Variants in PRKN observed in about 807,000 individuals in gnomAD.
PRKN encodes the protein parkin RBR E3 ubiquitin protein ligase.
PRKN carries 56 observed loss-of-function variants against 59.5 expected under a neutral mutation model. The observed-to-expected ratio is 0.94, with a 90% CI of 0.76 to 1.18. The LOEUF (loss-of-function observed/expected upper bound fraction) is 1.18, where lower values mean the gene tolerates loss of function less well. PRKN is among the 50% of genes most tolerant of loss of function. The probability of loss-of-function intolerance (pLI) is 0.00; values close to 1 mark genes in which losing one functional copy is unlikely to be tolerated. For missense variants in PRKN, 657 were observed against 596.4 expected (o/e 1.10, Z -1.06); for synonymous variants, 250 against 222.1 (o/e 1.13, Z -1.12).
intron 3 of PRKN, among the ~76,000 whole-genome samples, chr6:162,255,992 T>A (rs1779624780): frequency 6.6e-6 from 1 of 152,136 alleles, no homozygotes; most frequent in South Asian, 2.1e-4. Context: ...CAGAAAAGAT[T>A]GAGCATTAAT....
At chr6:162,027,467 T>C (rs889423842) in intron 5 of PRKN, among the ~76,000 whole-genome samples, 4 of 152,186 alleles carry the variant, frequency 2.6e-5, no homozygotes, top group African/African-American at 9.7e-5. Context: ...AACCTCTGTA[T>C]ATTCTTGTGT....
intron 2 of PRKN, among the ~76,000 whole-genome samples, chr6:162,420,299 A>G (rs1788893908): frequency 6.6e-6 from 1 of 152,100 alleles, no homozygotes; most frequent in African/African-American, 2.4e-5. Flanking sequence ...CATTATGTTT[A>G]AAATACCATA....
In PRKN at chr6:161,673,812, G is replaced by A. The variant is rs1483090315; in HGVS notation, c.872-104396C>T. 1.4e-4 allele frequency among the ~76,000 whole-genome samples: 22 copies of A among 152,322 alleles called. 1 individual carries two copies. The South Asian group carries it at 3.7e-3, about 26-fold the overall frequency. On this transcript the variant is annotated intron_variant, in intron 7 of 11. Transcript: ENST00000366898. ...CTGATGGGTAGGTAGCATGTGTGGT[G>A]TGAGAGCAAGAGAGGAGTCAAGATA...
chr6:161,696,457 T>A (rs187422872), intron 7 of PRKN, among the ~76,000 whole-genome samples: 13 of 152,280 alleles, frequency 8.5e-5, no homozygotes, highest in Non-Finnish European at 1.8e-4. Context: ...TGCCCTCAGG[T>A]TTTCAACATG....
At chr6:162,044,975 A>T (rs1784198633) in intron 5 of PRKN, among the ~76,000 whole-genome samples, 1 of 152,176 alleles carries the variant, frequency 6.6e-6, no homozygotes, top group Admixed American at 6.5e-5. Context: ...TCATGGCATA[A>T]AAATCATCGT....
chr6:162,690,157 A>G (rs753439240), intron 1 of PRKN, among the ~76,000 whole-genome samples: 39 of 110,100 alleles, frequency 3.5e-4, no homozygotes, highest in Non-Finnish European at 6.2e-4. Context: ...TGATTTCTGA[A>G]TATCAGTAAC....
At chr6:161,585,257 G>A (rs1562542002) in intron 7 of PRKN, among the ~76,000 whole-genome samples, 1 of 152,084 alleles carries the variant, frequency 6.6e-6, no homozygotes, top group Non-Finnish European at 1.5e-5. Flanking sequence ...GTACAAGAAG[G>A]TTTTGTTGAT....
chr6:162,370,818 A>G (rs897369116), intron 2 of PRKN, among the ~76,000 whole-genome samples: 13 of 152,202 alleles, frequency 8.5e-5, no homozygotes, highest in African/African-American at 3.1e-4. Context: ...GTAGTTCACT[A>G]AGAGTCCTAT....
At chr6:161,872,571 G>A (rs921834811) in intron 6 of PRKN, among the ~76,000 whole-genome samples, 1 of 152,158 alleles carries the variant, frequency 6.6e-6, no homozygotes, top group South Asian at 2.1e-4. Flanking sequence ...CTCCTGTTCT[G>A]GGCTTTCCTG....
chr6:162,169,596 A>G (rs1261195945), intron 4 of PRKN, among the ~76,000 whole-genome samples: 2 of 152,196 alleles, frequency 1.3e-5, no homozygotes, highest in Non-Finnish European at 2.9e-5. Flanking sequence ...CCCTGATGAA[A>G]ATACACACGA....
chr6:161,881,830 G>A (rs1274337138), intron 6 of PRKN, among the ~76,000 whole-genome samples: 1 of 152,114 alleles, frequency 6.6e-6, no homozygotes, highest in Non-Finnish European at 1.5e-5. Context: ...CTTTGCTCCC[G>A]ATGGCAAACC....
intron 10 of PRKN, among the ~76,000 whole-genome samples, chr6:161,382,231 G>C (rs1179099243): frequency 6.6e-6 from 1 of 151,944 alleles, no homozygotes; most frequent in Non-Finnish European, 1.5e-5. Flanking sequence ...GTATCAGAAT[G>C]TACAGTTGTC....
intron 1 of PRKN, among the ~76,000 whole-genome samples, chr6:162,586,153 C>T (rs189389722): frequency 2.0e-5 from 3 of 152,106 alleles, no homozygotes; most frequent in African/African-American, 7.2e-5. Context: ...TAGCCTGACC[C>T]TATGTGCTGG....
At chr6:161,883,173 A>G (rs12111075) in intron 6 of PRKN, among the ~76,000 whole-genome samples, 39,974 of 151,884 alleles carry the variant, frequency 0.26, 6,089 homozygotes, top group African/African-American at 0.43. Flanking sequence ...AATAAAATAA[A>G]TTTCCTAAAC....
chr6:162,175,110 G>A (rs1783472550), intron 4 of PRKN, among the ~76,000 whole-genome samples: 1 of 152,174 alleles, frequency 6.6e-6, no homozygotes. Flanking sequence ...TTTGCAAGCA[G>A]CAGAAACCAA....
intron 9 of PRKN, among the ~76,000 whole-genome samples, chr6:161,443,039 G>A (rs1256411165): frequency 6.6e-6 from 1 of 152,102 alleles, no homozygotes; most frequent in African/African-American, 2.4e-5. Context: ...CGGGCGCGGT[G>A]GCTCATGCTT....
At chr6:161,716,023 A>C in intron 7 of PRKN, 2 of 998,554 alleles carry the variant, frequency 2.0e-6, no homozygotes, top group Non-Finnish European at 2.8e-6. Context: ...CTTCTGGGGA[A>C]TTGGATCTGG....
chr6:161,370,548 C>T (rs1435401199), intron 10 of PRKN, among the ~76,000 whole-genome samples: 5 of 143,126 alleles, frequency 3.5e-5, no homozygotes, highest in Non-Finnish European at 6.0e-5. Flanking sequence ...GCCGAGATCG[C>T]GCCACTGCAC....
At chr6:161,732,893 CAGG>C (rs1787782521) in intron 7 of PRKN, among the ~76,000 whole-genome samples, 1 of 152,152 alleles carries the variant, frequency 6.6e-6, no homozygotes, top group Admixed American at 6.5e-5. Context: ...GAGTTTGCCT[CAGG>C]AGAATTTTCT....
Sources: allele counts gnomAD v4.1 joint callset (sites outside exome capture counted in the v4.1 genomes callset), GRCh38; gene constraint gnomAD v4.1.1; transcripts MANE v1.5; gene names NCBI Gene and HGNC (gene_info 2026-07-23, HGNC 2026-07-21).